Variants in AKR1C8 observed in about 807,000 individuals in gnomAD.
AKR1C8 encodes aldo-keto reductase family 1 member C-like protein 1.
chr10:5,181,579 T>C, the AKR1C8 span, among the ~76,000 whole-genome samples: 17 of 152,290 alleles, frequency 1.1e-4, no homozygotes, highest in South Asian at 4.1e-4. Flanking sequence ...ACAGGATCAC[T>C]TGACATATTT....
chr10:5,157,487 C>T, the AKR1C8 span: 1 of 283,308 alleles, frequency 3.5e-6, no homozygotes, highest in Non-Finnish European at 7.0e-6. Context: ...TCAGTGCCCT[C>T]TCGTCGATCC....
chr10:5,121,951 T>G, the AKR1C8 span: 3 of 203,180 alleles, frequency 1.5e-5, no homozygotes, highest in African/African-American at 7.1e-5. Context: ...ACCTATGGTC[T>G]GAGGGCTACA....
the AKR1C8 span, chr10:5,185,128 C>T: frequency 1.9e-6 from 1 of 534,358 alleles, no homozygotes; most frequent in Non-Finnish European, 3.8e-6. Flanking sequence ...GTCTTTCCTC[C>T]TTTTCCTCAC....
chr10:5,127,685 G>T, the AKR1C8 span, among the ~76,000 whole-genome samples: 1 of 133,462 alleles, frequency 7.5e-6, no homozygotes, highest in African/African-American at 2.9e-5. Context: ...TCATGCACCT[G>T]CACTCCAGCA....
At chr10:5,157,716 G>T in the AKR1C8 span, 3 of 472,638 alleles carry the variant, frequency 6.3e-6, no homozygotes, top group South Asian at 4.6e-5. Flanking sequence ...AGCGCAGGGC[G>T]ACCTGGCCTG....
At chr10:5,134,259 T>A in the AKR1C8 span, among the ~76,000 whole-genome samples, 1 of 152,156 alleles carries the variant, frequency 6.6e-6, no homozygotes, top group East Asian at 1.9e-4. Flanking sequence ...TTCCCCCTCA[T>A]GCCAATTTTC....
chr10:5,122,548 G>C, the AKR1C8 span, among the ~76,000 whole-genome samples: 3 of 152,176 alleles, frequency 2.0e-5, no homozygotes, highest in African/African-American at 7.2e-5. Context: ...CCGGGAACTT[G>C]ATCCAGCCTT....
chr10:5,164,135 A>C, the AKR1C8 span, among the ~76,000 whole-genome samples: 1 of 151,968 alleles, frequency 6.6e-6, no homozygotes, highest in African/African-American at 2.4e-5. Flanking sequence ...CTTTTACTCC[A>C]ACTCTCTATT....
At chr10:5,176,782 C>A in the AKR1C8 span, among the ~76,000 whole-genome samples, 2 of 152,072 alleles carry the variant, frequency 1.3e-5, no homozygotes, top group Non-Finnish European at 2.9e-5. Context: ...CTCTGTTTGT[C>A]TGTTATTGGT....
the AKR1C8 span, among the ~76,000 whole-genome samples, chr10:5,151,384 T>TGTTTGTAGTTTGTA: frequency 2.0e-5 from 3 of 152,158 alleles, no homozygotes; most frequent in Non-Finnish European, 2.9e-5. Flanking sequence ...TTATCATCTT[T>TGTTTGTAGTTTGTA]GTTTCAAACT....
At chr10:5,133,194 T>C in the AKR1C8 span, among the ~76,000 whole-genome samples, 4 of 152,144 alleles carry the variant, frequency 2.6e-5, no homozygotes, top group African/African-American at 9.7e-5. Flanking sequence ...CATCTCGGAC[T>C]GAAACAATCC....
the AKR1C8 span, among the ~76,000 whole-genome samples, chr10:5,164,739 C>A: frequency 6.6e-6 from 1 of 152,048 alleles, no homozygotes; most frequent in Admixed American, 6.5e-5. Context: ...GGAAGACCTA[C>A]CTGTCACATG....
chr10:5,131,868 GAA>G, the AKR1C8 span, among the ~76,000 whole-genome samples: 1 of 151,982 alleles, frequency 6.6e-6, no homozygotes, highest in African/African-American at 2.4e-5. Flanking sequence ...AAGCTTGCAT[GAA>G]AAAGACACAT....
chr10:5,117,289 C>G, the AKR1C8 span, among the ~76,000 whole-genome samples: 1 of 152,102 alleles, frequency 6.6e-6, no homozygotes, highest in Non-Finnish European at 1.5e-5. Flanking sequence ...CGGACTTGAG[C>G]TGCCCTCAGA....
the AKR1C8 span, chr10:5,159,740 C>G: frequency 2.2e-6 from 1 of 458,984 alleles, no homozygotes; most frequent in Non-Finnish European, 4.5e-6. Flanking sequence ...TCAAATTGCT[C>G]TTTCTCTGGT....
At chr10:5,150,402 G>A in the AKR1C8 span, among the ~76,000 whole-genome samples, 1 of 151,660 alleles carries the variant, frequency 6.6e-6, no homozygotes, top group Non-Finnish European at 1.5e-5. Flanking sequence ...TAATAATTAA[G>A]AATATATACT....
the AKR1C8 span, among the ~76,000 whole-genome samples, chr10:5,178,351 G>C: frequency 6.6e-6 from 1 of 152,268 alleles, no homozygotes; most frequent in South Asian, 2.1e-4. Flanking sequence ...GAGACAGTTT[G>C]TTATAATTTC....
At chr10:5,135,735 A>G in the AKR1C8 span, among the ~76,000 whole-genome samples, 59,596 of 148,218 alleles carry the variant, frequency 0.4, 12,497 homozygotes, top group Non-Finnish European at 0.43. Flanking sequence ...TAAATGATCA[A>G]TCATTGTACA....
At chr10:5,165,143 TA>T in the AKR1C8 span, among the ~76,000 whole-genome samples, 1 of 152,180 alleles carries the variant, frequency 6.6e-6, no homozygotes, top group Non-Finnish European at 1.5e-5. Flanking sequence ...TGACACTGTA[TA>T]GGGGGTTATT....
Sources: gnomAD v4.1 joint callset for allele counts (sites outside exome capture counted in the v4.1 genomes callset) on GRCh38, gnomAD v4.1.1 for gene constraint, MANE v1.5 for transcripts, NCBI Gene and HGNC (gene_info 2026-07-23, HGNC 2026-07-21) for gene names.